The following LRP1B variants were observed in gnomAD, a reference collection of about 807,000 sequenced individuals.
LRP1B encodes low-density lipoprotein receptor-related protein 1B.
LRP1B carries 217 observed loss-of-function variants against 556.6 expected under a neutral mutation model. The ratio of observed to expected loss-of-function variants is 0.39; its 90% confidence interval spans 0.35 to 0.44. LRP1B has a LOEUF of 0.44. Ranked by LOEUF, LRP1B falls within the 20% of genes least tolerant of loss-of-function variation. The probability of loss-of-function intolerance (pLI) is 1.00; values close to 1 mark genes in which losing one functional copy is unlikely to be tolerated. For missense variants in LRP1B, 5,053 were observed against 5,620.8 expected (o/e 0.90, Z 3.23); for synonymous variants, 2,047 against 1,865.8 (o/e 1.10, Z -2.50).
intron 2 of LRP1B, among the ~76,000 whole-genome samples, chr2:141,731,174 T>C (rs533859045): frequency 6.6e-6 from 1 of 152,218 alleles, no homozygotes; most frequent in Non-Finnish European, 1.5e-5. Context: ...TATGCAGTGG[T>C]TTTTAAACAA....
At chr2:141,225,353 C>T (rs1470033205) in intron 6 of LRP1B, among the ~76,000 whole-genome samples, 1 of 152,130 alleles carries the variant, frequency 6.6e-6, no homozygotes, top group Admixed American at 6.6e-5. Flanking sequence ...CAATATGGTT[C>T]TGAATCATTT....
intron 56 of LRP1B, among the ~76,000 whole-genome samples, chr2:140,493,856 A>G (rs949479133): frequency 1.3e-5 from 2 of 152,102 alleles, no homozygotes; most frequent in African/African-American, 4.8e-5. Flanking sequence ...ACCCCCTTCT[A>G]TCATCCTTGA....
intron 32 of LRP1B, among the ~76,000 whole-genome samples, chr2:140,810,924 A>C (rs1286717052): frequency 6.6e-6 from 1 of 152,100 alleles, no homozygotes; most frequent in African/African-American, 2.4e-5. Flanking sequence ...TTTAGTAGAG[A>C]CAGGGTTTCA....
intron 86 of LRP1B, among the ~76,000 whole-genome samples, chr2:140,252,073 A>AAG (rs1553482249): frequency 1.7e-5 from 2 of 119,670 alleles, no homozygotes; most frequent in East Asian, 4.2e-4. Flanking sequence ...AAAAAAAAAA[A>AAG]AAAAAAAAAA....
At chr2:141,838,754 C>T (rs533129543) in intron 1 of LRP1B, among the ~76,000 whole-genome samples, 2 of 152,132 alleles carry the variant, frequency 1.3e-5, no homozygotes, top group South Asian at 2.1e-4. Context: ...TTTACATGTT[C>T]GCTGGATTGA....
At chr2:141,239,878 T>TA (rs1683799181) in intron 5 of LRP1B, among the ~76,000 whole-genome samples, 2 of 152,054 alleles carry the variant, frequency 1.3e-5, no homozygotes, top group Admixed American at 1.3e-4. Flanking sequence ...GATTTAAATA[T>TA]AAAATTTATA....
At chr2:142,067,310 G>A (rs1463553978) in intron 1 of LRP1B, among the ~76,000 whole-genome samples, 1 of 151,174 alleles carries the variant, frequency 6.6e-6, no homozygotes, top group East Asian at 1.9e-4. Flanking sequence ...TCTTTGAGGG[G>A]CATTTATTCT....
chr2:140,828,224 T>A, intron 31 of LRP1B, among the ~76,000 whole-genome samples: 1 of 152,170 alleles, frequency 6.6e-6, no homozygotes, highest in East Asian at 1.9e-4. Flanking sequence ...AAATTCATAA[T>A]ACTCCAAAAA....
At chr2:142,043,859 T>A (rs922576608) in intron 1 of LRP1B, among the ~76,000 whole-genome samples, 1 of 151,708 alleles carries the variant, frequency 6.6e-6, no homozygotes, top group African/African-American at 2.4e-5. Flanking sequence ...GAAACAGATG[T>A]GATTTAGACC....
chr2:141,544,330 TCTTCTTC>T (rs771914029), intron 2 of LRP1B, among the ~76,000 whole-genome samples: 13 of 43,068 alleles, frequency 3.0e-4, no homozygotes, highest in South Asian at 8.8e-4. Flanking sequence ...TTCTTCTTCT[TCTTCTTC>T]TTCTTCTTCT....
chr2:140,883,835 G>A lies in LRP1B; in HGVS notation c.4151C>T (p.Ala1384Val), dbSNP rs780450257. 6.2e-7 allele frequency: 1 copy of A among 1,613,724 alleles called. No homozygotes were observed. Among genetic ancestry groups the A allele is most frequent in the South Asian group, 1.1e-5 (1 of 91,048 alleles). Residue 1384 changes from alanine to valine, a missense_variant, in exon 25 of 91, where the codon GCT becomes GTT. Transcript: ENST00000389484. ...TCTTTACCCATATCTTGGGTCCAAAGCAATGGCCCTGGGGTGTTCCATGGC... is the reference window on the plus strand; with the variant it reads ...TCTTTACCCATATCTTGGGTCCAAAACAATGGCCCTGGGGTGTTCCATGGC... Reference protein sequence around the residue: ...AGAMEHPRAIALDPRYGILFW... With the variant: ...AGAMEHPRAIVLDPRYGILFW...
At chr2:141,516,870 G>A (rs1459173008) in intron 2 of LRP1B, among the ~76,000 whole-genome samples, 1 of 150,980 alleles carries the variant, frequency 6.6e-6, no homozygotes, top group African/African-American at 2.4e-5. Context: ...GCTAATTTTT[G>A]AATTTTTGGA....
chr2:141,561,437 C>T (rs1686144445), intron 2 of LRP1B, among the ~76,000 whole-genome samples: 1 of 151,764 alleles, frequency 6.6e-6, no homozygotes, highest in Non-Finnish European at 1.5e-5. Flanking sequence ...GAAACTAGGA[C>T]AACTAATGCC....
intron 3 of LRP1B, among the ~76,000 whole-genome samples, chr2:141,412,387 C>T (rs148870648): frequency 5.3e-5 from 8 of 152,136 alleles, no homozygotes; most frequent in East Asian, 3.9e-4. Flanking sequence ...GAGCCTTATG[C>T]GATAATTTAT....
intron 43 of LRP1B, among the ~76,000 whole-genome samples, chr2:140,570,298 G>GA (rs201206913): frequency 6.9e-6 from 1 of 145,890 alleles, no homozygotes; most frequent in Non-Finnish European, 1.5e-5. Context: ...GGGTAACCAG[G>GA]AAAAAAAAAC....
intron 63 of LRP1B, among the ~76,000 whole-genome samples, chr2:140,446,252 G>A (rs1686655909): frequency 6.6e-6 from 1 of 152,034 alleles, no homozygotes; most frequent in South Asian, 2.1e-4. Context: ...GAAAAAGGTT[G>A]CAACTATTAA....
intron 31 of LRP1B, among the ~76,000 whole-genome samples, chr2:140,822,664 T>A (rs1026849001): frequency 6.6e-6 from 1 of 152,196 alleles, no homozygotes; most frequent in African/African-American, 2.4e-5. Flanking sequence ...CCTAACTGGG[T>A]CCACATTTCT....
chr2:141,542,490 T>C (rs1202246218), intron 2 of LRP1B, among the ~76,000 whole-genome samples: 2 of 152,098 alleles, frequency 1.3e-5, no homozygotes, highest in Admixed American at 6.6e-5. Flanking sequence ...ATTAATACCA[T>C]GACTTCCTGA....
chr2:140,558,956 AC>A lies in LRP1B; in HGVS notation c.7195-16986del, dbSNP rs1229109221. Among the ~76,000 whole-genome samples, 11 of 151,400 alleles carry A rather than the reference AC, an allele frequency of 7.3e-5. No individual in the cohort carries two copies. The East Asian group carries it at 1.6e-3, about 21-fold the overall frequency. On this transcript the variant is annotated intron_variant, in intron 43 of 90. Transcript: ENST00000389484. ...GTCTCCAAAAGGAAAAAAAAAAAAA[AC>A]AAACTTTAAATCACAATTTGTGCTG...
Sources: gnomAD v4.1 joint callset for allele counts (sites outside exome capture counted in the v4.1 genomes callset) on GRCh38, gnomAD v4.1.1 for gene constraint, MANE v1.5 for transcripts, NCBI Gene and HGNC (gene_info 2026-07-23, HGNC 2026-07-21) for gene names.